STOX2: variants seen among roughly 807,000 people sequenced by gnomAD.
STOX2 encodes the protein storkhead box 2.
In STOX2, 28 loss-of-function variants were observed where a neutral mutation model predicts 60.9. That is an observed-to-expected ratio of 0.46 (90% CI 0.34 to 0.63). The LOEUF is 0.63. STOX2 is among the 30% of genes least tolerant of loss of function. The pLI is 0.01. For synonymous variants in STOX2, 472 were observed against 463.9 expected (o/e 1.02, Z -0.22); for missense variants, 1,024 against 1,187.7 (o/e 0.86, Z 2.03).
chr4:183,966,380 C>G (rs1743569699), intron 1 of STOX2, among the ~76,000 whole-genome samples: 1 of 152,172 alleles, frequency 6.6e-6, no homozygotes, highest in Non-Finnish European at 1.5e-5. Flanking sequence ...GTGAGTTTCC[C>G]AAAGAGATGG....
intron 1 of STOX2, among the ~76,000 whole-genome samples, chr4:183,817,375 C>T (rs948991378): frequency 6.6e-6 from 1 of 152,120 alleles, no homozygotes; most frequent in African/African-American, 2.4e-5. Flanking sequence ...CTGCAGGGTC[C>T]GTCCTTTGCT....
At chr4:183,928,561 T>C (rs1004966864) in intron 1 of STOX2, among the ~76,000 whole-genome samples, 5 of 152,134 alleles carry the variant, frequency 3.3e-5, no homozygotes, top group South Asian at 2.1e-4. Flanking sequence ...TAGGACAAAC[T>C]TGCAATTTTG....
At chr4:183,872,025 A>G (rs982262464) in intron 1 of STOX2, among the ~76,000 whole-genome samples, 2 of 152,086 alleles carry the variant, frequency 1.3e-5, no homozygotes, top group African/African-American at 4.8e-5. Flanking sequence ...TGGATAAACT[A>G]TAAGTTGTGC....
At chr4:183,804,653 C>T (rs1318607051) in intron 1 of STOX2, among the ~76,000 whole-genome samples, 1 of 152,220 alleles carries the variant, frequency 6.6e-6, no homozygotes, top group Non-Finnish European at 1.5e-5. Flanking sequence ...ACATTAAAAT[C>T]TCAGGATTAA....
intron 1 of STOX2, among the ~76,000 whole-genome samples, chr4:183,927,389 G>A (rs1186893834): frequency 2.0e-5 from 3 of 152,176 alleles, no homozygotes; most frequent in South Asian, 4.1e-4. Flanking sequence ...TTGATTTAAT[G>A]TTATGTGCTC....
chr4:184,011,516 A>G lies in STOX2; in HGVS notation c.2585+93A>G. The G allele has an allele frequency of 6.3e-7, 1 of 1,575,574 alleles. No individual in the cohort carries two copies. The highest frequency in any genetic ancestry group is 8.6e-7 in the Non-Finnish European group (1 of 1,160,146). Reference sequence around the variant, plus strand: ...GACAAGTTTCTGATTTCGTAGTCTCAGTTCTATGGATGAGGGTTAAGAGTT... The same window carrying G: ...GACAAGTTTCTGATTTCGTAGTCTCGGTTCTATGGATGAGGGTTAAGAGTT... On this transcript the variant is annotated intron_variant, in intron 3 of 3. Coordinates refer to ENST00000308497, the MANE Select transcript of STOX2 (RefSeq NM_020225.3). This position sits in a 1 kb window ranked among gnomAD's most constrained non-coding sequence, Gnocchi z 4.4.
At chr4:183,895,890 G>A (rs143008484) in intron 1 of STOX2, among the ~76,000 whole-genome samples, 27 of 152,286 alleles carry the variant, frequency 1.8e-4, no homozygotes, top group African/African-American at 6.5e-4. Context: ...TATATAAACA[G>A]GACAAGGGCC....
intron 1 of STOX2, among the ~76,000 whole-genome samples, chr4:183,937,782 GA>G (rs1460324094): frequency 6.6e-6 from 1 of 151,932 alleles, no homozygotes; most frequent in Admixed American, 6.6e-5. Context: ...TAACTTGACT[GA>G]AAAAAAATTT....
intron 1 of STOX2, among the ~76,000 whole-genome samples, chr4:183,816,942 G>C (rs1163533638): frequency 6.6e-6 from 1 of 152,226 alleles, no homozygotes; most frequent in Non-Finnish European, 1.5e-5. Flanking sequence ...GGCAAGGGCT[G>C]CATTGGCTGA....
At position 184,009,187 on chromosome 4, in the gene STOX2, C is replaced by A. The variant is rs367774187; in HGVS notation, c.349C>A (p.Arg117=). The change falls in exon 3 of 4, where the codon CGG becomes AGG. Residue 117 remains arginine, a synonymous_variant. Coordinates refer to ENST00000308497, the MANE Select transcript of STOX2 (RefSeq NM_020225.3). This position sits in a 1 kb window ranked among gnomAD's most constrained non-coding sequence, Gnocchi z 4.0. ...TCCAACGCCAAGCCAAGAAATTCTG[C>A]GGCACACGCTGAACACGCTGGTACG... ...GVPTPSQEIL[R]HTLNTLVRER... is the part of the protein sequence containing the mutation. 592 of 1,330,748 alleles carry A rather than the reference C, an allele frequency of 4.4e-4. 10 individuals are homozygous for A. In the South Asian group the frequency reaches 7.5e-3, roughly 17 times the overall value. 82.4% of individuals were successfully genotyped at this position (1,330,748 alleles called of 1,614,324 possible). A position where few individuals can be genotyped will look rare whatever the true frequency, so the allele number is the denominator to read the frequency against.
chr4:183,907,020 G>A, intron 1 of STOX2, 64 bp downstream of exon 1: 1 of 1,398,842 alleles, frequency 7.1e-7, no homozygotes, highest in Admixed American at 2.6e-5. Flanking sequence ...GTACGCCGCG[G>A]CCCGGGTGCT....
At chr4:183,927,410 A>G (rs1172487884) in intron 1 of STOX2, among the ~76,000 whole-genome samples, 1 of 152,244 alleles carries the variant, frequency 6.6e-6, no homozygotes, top group Non-Finnish European at 1.5e-5. Flanking sequence ...CATAACAGTG[A>G]ACAGTTATTG....
At chr4:183,959,069 T>C (rs574497606) in intron 1 of STOX2, among the ~76,000 whole-genome samples, 3 of 152,270 alleles carry the variant, frequency 2.0e-5, no homozygotes, top group East Asian at 3.9e-4. Flanking sequence ...TCTCTCAGCA[T>C]GTTTTTGATG....
chr4:183,917,082 T>C (rs2111095806), intron 1 of STOX2, among the ~76,000 whole-genome samples: 1 of 152,372 alleles, frequency 6.6e-6, no homozygotes, highest in South Asian at 2.1e-4. Context: ...GTACTCCCAG[T>C]GTCTAGCGAG....
chr4:183,801,592 G>A (rs190306185), intron 1 of STOX2, among the ~76,000 whole-genome samples: 1 of 152,310 alleles, frequency 6.6e-6, no homozygotes, highest in East Asian at 1.9e-4. Context: ...TCCCAGGTAT[G>A]AGGCTTGAAC....
chr4:183,875,677 C>T (rs1391442601), intron 1 of STOX2, among the ~76,000 whole-genome samples: 2 of 152,330 alleles, frequency 1.3e-5, no homozygotes, highest in Non-Finnish European at 2.9e-5. Context: ...ATACTTAAAA[C>T]CTGGGTCTTG....
At position 183,905,746 on chromosome 4, in the gene STOX2, C is replaced by G. The variant is rs1298823092; in HGVS notation, c.-1045C>G. On this transcript the variant is annotated 5_prime_UTR_variant, in exon 1 of 4. Coordinates refer to ENST00000308497, the MANE Select transcript of STOX2 (RefSeq NM_020225.3). Reference sequence around the variant, plus strand: ...GGAACCGCGTTCTAACTTAAGGCAGCCTGGTGATTAGCATGAGACTGGGCG... The same window carrying G: ...GGAACCGCGTTCTAACTTAAGGCAGGCTGGTGATTAGCATGAGACTGGGCG... The G allele has an allele frequency of 6.6e-6, 1 of 152,250 alleles. No individual in the cohort carries two copies. Among genetic ancestry groups the G allele is most frequent in the Non-Finnish European group, 1.5e-5 (1 of 68,058 alleles). The allele number at this position is 152,250 out of a possible 1,614,324, so 9.4% of individuals were successfully genotyped here.
In STOX2 at chr4:183,909,930, G is replaced by T. The variant is rs181551515; in HGVS notation, c.166+2974G>T. Among the ~76,000 whole-genome samples, 57 of 152,272 alleles carry T rather than the reference G, an allele frequency of 3.7e-4. 1 individual carries two copies. Among genetic ancestry groups the T allele is most frequent in the African/African-American group, 1.1e-3 (47 of 41,538 alleles). ...TTAGAGCGGGCACCTATAAACTAGCGAGCTCTTGCAAAAGGACAGTTAGAG... is the reference window on the plus strand; with the variant it reads ...TTAGAGCGGGCACCTATAAACTAGCTAGCTCTTGCAAAAGGACAGTTAGAG... On this transcript the variant is annotated intron_variant, in intron 1 of 3. Coordinates refer to ENST00000308497, the MANE Select transcript of STOX2 (RefSeq NM_020225.3).
chr4:183,963,272 T>G (rs1743462941), intron 1 of STOX2, among the ~76,000 whole-genome samples: 1 of 152,206 alleles, frequency 6.6e-6, no homozygotes, highest in African/African-American at 2.4e-5. Context: ...TCTATTCTTA[T>G]GGGTTTTATT....
Sources: allele counts gnomAD v4.1 joint callset (sites outside exome capture counted in the v4.1 genomes callset), GRCh38; gene constraint gnomAD v4.1.1; non-coding constraint Gnocchi (gnomAD v3.1); transcripts MANE v1.5; gene names NCBI Gene and HGNC (gene_info 2026-07-23, HGNC 2026-07-21).